The following HIVEP1 variants were observed in gnomAD, a reference collection of about 807,000 sequenced individuals.
HIVEP1 encodes the protein HIVEP zinc finger 1, also known as zinc finger protein 40.
In HIVEP1, 36 loss-of-function variants were observed where a neutral mutation model predicts 180.0. The ratio of observed to expected loss-of-function variants is 0.20; its 90% CI spans 0.15 to 0.26. The LOEUF is 0.26. Among genes scored for constraint, HIVEP1 ranks in the 10% least tolerant of loss-of-function variants. The pLI is 1.00. For synonymous variants in HIVEP1, 1,239 were observed against 1,239.0 expected (o/e 1.00, Z 0.00); for missense variants, 3,143 against 3,268.7 (o/e 0.96, Z 0.94).
chr6:12,113,329 A>T (rs967578074), intron 3 of HIVEP1, among the ~76,000 whole-genome samples: 3 of 151,800 alleles, frequency 2.0e-5, no homozygotes, highest in African/African-American at 7.3e-5. Flanking sequence ...TGACCCTGTC[A>T]TCTTGAGAGT....
chr6:12,060,353 A>T (rs752650163), intron 2 of HIVEP1, among the ~76,000 whole-genome samples: 29 of 152,236 alleles, frequency 1.9e-4, no homozygotes, highest in Non-Finnish European at 3.7e-4. Context: ...ACTTCAGACA[A>T]TTACAGTATA....
At chr6:12,148,429 CAGTGTAT>C (rs1013199398) in intron 7 of HIVEP1, among the ~76,000 whole-genome samples, 5 of 152,202 alleles carry the variant, frequency 3.3e-5, no homozygotes, top group Non-Finnish European at 7.3e-5. Flanking sequence ...TCCTGCCTGA[CAGTGTAT>C]TCTCCATTTT....
rs770525195 is a variant in HIVEP1, at chr6:12,124,851, G to C, written c.5056G>C (p.Val1686Leu). ...GCCAATCAGTGAAGAACAAAATTCTGTGCCAACATTACAAAAAGGTCATCA... is the reference window on the plus strand; with the variant it reads ...GCCAATCAGTGAAGAACAAAATTCTCTGCCAACATTACAAAAAGGTCATCA... ...VVPISEEQNS[V>L]PTLQKGHQNA... Residue 1686 changes from valine to leucine, a missense_variant, in exon 4 of 9, where the codon GTG becomes CTG. Transcript: ENST00000379388. 11 of 1,614,148 alleles carry C rather than the reference G, an allele frequency of 6.8e-6. 1 individual carries two copies. The South Asian group carries it at 1.2e-4, about 18-fold the overall frequency.
intron 2 of HIVEP1, among the ~76,000 whole-genome samples, chr6:12,029,522 T>C (rs1768798646): frequency 6.6e-6 from 1 of 152,224 alleles, no homozygotes; most frequent in African/African-American, 2.4e-5. Flanking sequence ...TTAATTGCCT[T>C]CTTTTGTGTT....
chr6:12,165,055 G>T, downstream of HIVEP1: 1 of 480,724 alleles, frequency 2.1e-6, no homozygotes, highest in East Asian at 5.7e-5. Context: ...ATCTGCATTT[G>T]GAAAATAGCC....
At position 12,040,881 on chromosome 6, in the gene HIVEP1, T is replaced by TG. The variant is rs545696352; in HGVS notation, c.40+25220dup. Among the ~76,000 whole-genome samples the TG allele has an allele frequency of 7.7e-3, 1,074 of 139,670 alleles. 15 individuals are homozygous for TG. Among genetic ancestry groups the TG allele is most frequent in the African/African-American group, 0.027 (1,019 of 37,242 alleles). 91.6% of individuals were successfully genotyped at this position (139,670 alleles called of 152,430 possible). A position where few individuals can be genotyped will look rare whatever the true frequency, so the allele number is the denominator to read the frequency against. ...GGCAAGGTGGGGGAGTGAAGAGTGG[T>TG]GGGGGGGACGTGCCACACACTTTTA... On this transcript the variant is annotated intron_variant, in intron 2 of 8. Transcript: ENST00000379388.
intron 2 of HIVEP1, among the ~76,000 whole-genome samples, chr6:12,067,761 A>G (rs951462302): frequency 6.6e-6 from 1 of 152,082 alleles, no homozygotes; most frequent in Non-Finnish European, 1.5e-5. Flanking sequence ...TTATGATGAA[A>G]GGAAACAACT....
chr6:12,024,269 AC>A (rs990176449), intron 2 of HIVEP1, among the ~76,000 whole-genome samples: 5 of 135,676 alleles, frequency 3.7e-5, no homozygotes, highest in Non-Finnish European at 6.4e-5. Context: ...TTTTTTTTTT[AC>A]AATTTTAATG....
intron 2 of HIVEP1, among the ~76,000 whole-genome samples, chr6:12,085,585 A>G (rs1385275806): frequency 2.6e-5 from 4 of 152,272 alleles, no homozygotes; most frequent in Admixed American, 2.6e-4. Context: ...ATTAGACCTG[A>G]CACAGAGCAG....
intron 2 of HIVEP1, among the ~76,000 whole-genome samples, chr6:12,079,147 C>G (rs1772597633): frequency 6.6e-6 from 1 of 152,104 alleles, no homozygotes; most frequent in African/African-American, 2.4e-5. Flanking sequence ...ATAATTATAT[C>G]CATCCCACAG....
intron 2 of HIVEP1, among the ~76,000 whole-genome samples, chr6:12,023,125 C>T (rs73724338): frequency 0.035 from 5,289 of 152,282 alleles, 292 homozygotes; most frequent in African/African-American, 0.12. Context: ...GCAGCCATCT[C>T]TCTGTCCCCT....
At chr6:12,193,750 G>A in the HIVEP1 span, among the ~76,000 whole-genome samples, 5 of 152,154 alleles carry the variant, frequency 3.3e-5, no homozygotes, top group African/African-American at 1.2e-4. Flanking sequence ...ACGGTGCTAA[G>A]TATTTCAAAT....
rs761625192 is a variant in HIVEP1, at chr6:12,121,961, G to A, written c.2166G>A (p.Leu722=). 2 of 1,614,120 alleles carry A rather than the reference G, an allele frequency of 1.2e-6. No individual in the cohort carries two copies. Among genetic ancestry groups the A allele is most frequent in the South Asian group, 1.1e-5 (1 of 91,078 alleles). ...ALVTTSTPSA[L]PTGEKALLLP... ...TCACCACGTCAACACCCTCTGCTTT[G>A]CCCACAGGGGAAAAGGCATTGCTTT... is the stretch of plus-strand genomic sequence containing the variant. Residue 722 remains leucine, a synonymous_variant, in exon 4 of 9, where the codon TTG becomes TTA. Transcript: ENST00000379388. This position sits in a 1 kb window ranked among gnomAD's most constrained non-coding sequence, Gnocchi z 5.3.
rs183931727 is a variant in HIVEP1 at position 12,015,993 on chromosome 6, C to T, written c.40+325C>T. On this transcript the variant is annotated intron_variant, in intron 2 of 8. Coordinates refer to ENST00000379388, the MANE Select transcript of HIVEP1 (RefSeq NM_002114.4). The stretch of plus-strand genomic sequence containing the variant: ...AATCTGAAAGTAATGGTTAAATATT[C>T]TTTGCCAACTGGATCATTAAGAATT... 2.6e-5 allele frequency among the ~76,000 whole-genome samples: 4 copies of T among 151,644 alleles called. 1 individual carries two copies. The Admixed American group carries it at 2.6e-4, about 10-fold the overall frequency.
chr6:12,189,024 T>A, the HIVEP1 span, among the ~76,000 whole-genome samples: 1 of 151,818 alleles, frequency 6.6e-6, no homozygotes, highest in Non-Finnish European at 1.5e-5. Context: ...TAGATAAATA[T>A]ATGTTGAATG....
chr6:12,204,209 G>A, the HIVEP1 span, among the ~76,000 whole-genome samples: 3 of 152,206 alleles, frequency 2.0e-5, no homozygotes, highest in Non-Finnish European at 2.9e-5. Flanking sequence ...GACACACCCA[G>A]TAGAGTGGCT....
chr6:12,129,333 G>A (rs1758282183), intron 4 of HIVEP1, among the ~76,000 whole-genome samples: 3 of 152,158 alleles, frequency 2.0e-5, no homozygotes, highest in Non-Finnish European at 4.4e-5. Context: ...ATGGGTATGA[G>A]GCATTATTTT....
intron 3 of HIVEP1, among the ~76,000 whole-genome samples, chr6:12,090,696 G>C (rs944009778): frequency 6.1e-5 from 9 of 147,940 alleles, no homozygotes; most frequent in Non-Finnish European, 1.3e-4. Flanking sequence ...CAGGTTATAA[G>C]AGGCCATACT....
intron 3 of HIVEP1, among the ~76,000 whole-genome samples, chr6:12,100,843 C>T (rs9366980): frequency 0.065 from 9,887 of 152,038 alleles, 375 homozygotes; most frequent in Middle Eastern, 0.15. Flanking sequence ...TGGAGCATTT[C>T]GGATTTCAGA....
Sources: gnomAD v4.1 joint callset for allele counts (sites outside exome capture counted in the v4.1 genomes callset) on GRCh38, gnomAD v4.1.1 for gene constraint, Gnocchi (gnomAD v3.1) non-coding constraint, MANE v1.5 for transcripts, NCBI Gene and HGNC (gene_info 2026-07-23, HGNC 2026-07-21) for gene names.